Variants in KMT2D observed in about 807,000 individuals in gnomAD.
The protein encoded by KMT2D is histone-lysine N-methyltransferase 2D.
In KMT2D, 55 loss-of-function variants were observed where a neutral mutation model predicts 512.7. That is an observed-to-expected ratio of 0.11 (90% confidence interval 0.09 to 0.13). The LOEUF is 0.13. KMT2D is among the 10% of genes least tolerant of loss of function. The pLI is 1.00. For missense variants in KMT2D, 6,061 were observed against 7,127.9 expected (o/e 0.85, Z 5.39); for synonymous variants, 2,995 against 2,904.0 (o/e 1.03, Z -1.01).
Position 49,043,438 on chromosome 12 carries a change from A to G in KMT2D, c.5468-10T>C. On this transcript the variant is annotated splice_polypyrimidine_tract_variant and intron_variant, in intron 24 of 54. Coordinates refer to ENST00000301067, the MANE Select transcript of KMT2D (RefSeq NM_003482.4). Reference sequence around the variant, plus strand: ...TCTGGACCATCATCTCCTATGAGCAAGAGTCCCCCCTCCAATCAGAGATGT... The same window carrying G: ...TCTGGACCATCATCTCCTATGAGCAGGAGTCCCCCCTCCAATCAGAGATGT... The G allele has an allele frequency of 1.2e-6, 2 of 1,613,862 alleles. No homozygotes were observed. Among genetic ancestry groups the G allele is most frequent in the Non-Finnish European group, 1.7e-6 (2 of 1,179,766 alleles).
rs753715045 is a variant in KMT2D at position 49,033,527 on chromosome 12, T to C, written c.11178A>G (p.Gln3726=). The C allele has an allele frequency of 1.5e-5, 25 of 1,613,042 alleles. No homozygotes were observed. Among genetic ancestry groups the C allele is most frequent in the Non-Finnish European group, 1.2e-5 (14 of 1,179,418 alleles). Residue 3726 remains glutamine, a synonymous_variant, in exon 40 of 55, where the codon CAA becomes CAG. Coordinates refer to ENST00000301067, the MANE Select transcript of KMT2D (RefSeq NM_003482.4). ...GCAGTTTCTGGGCCAGCTGCATACG[T>C]TGCTGCTGCAGCTGCAGCTGCCTTT... The part of the protein sequence containing the change: ...LQERQLQLQQ[Q]RMQLAQKLQQ...
At chr12:49,045,299 C>T (rs1486818917) in intron 19 of KMT2D, among the ~76,000 whole-genome samples, 1 of 152,208 alleles carries the variant, frequency 6.6e-6, no homozygotes, top group African/African-American at 2.4e-5. Flanking sequence ...ATGCCAGCAG[C>T]AGTGCCATAT....
Position 49,030,638 on chromosome 12 carries a change from G to T in KMT2D, c.13802C>A (p.Pro4601His). Residue 4601 changes from proline to histidine, a missense_variant, in exon 42 of 55, where the codon CCC (proline) becomes CAC (histidine). This residue lies in a region of KMT2D where 1,600 missense variants were observed against 1,754.9 expected (regional missense o/e 0.91). Coordinates refer to ENST00000301067, the MANE Select transcript of KMT2D (RefSeq NM_003482.4). ...CTGGGAATAGTAGTCAGGGCCAGTG[G>T]GCAGCGCCCCACTTCCAAAGGCCCC... ...LRGAFGSGAL[P>H]TGPDYYSQLL... 6.2e-7 allele frequency: 1 copy of T among 1,605,098 alleles called. No individual in the cohort carries two copies.
Position 49,046,269 on chromosome 12 carries a change from T to C in KMT2D, c.4574A>G (p.His1525Arg). 1 of 1,613,970 alleles carries C rather than the reference T, an allele frequency of 6.2e-7. No individual in the cohort carries two copies. Among genetic ancestry groups the C allele is most frequent in the Non-Finnish European group, 8.5e-7 (1 of 1,179,880 alleles). Residue 1525 changes from histidine to arginine, a missense_variant, in exon 17 of 55, where the codon CAC becomes CGC. His to Arg is a conservative substitution (Grantham distance 29). Transcript: ENST00000301067. The surrounding 1 kb of genome is among the most constrained non-coding windows in gnomAD (Gnocchi z 4.2). ...AAAGGGATGTTCTCACCGTTCACAGTGGCGGCACTGGATTAGTAGGTCCTC... is the reference window on the plus strand; with the variant it reads ...AAAGGGATGTTCTCACCGTTCACAGCGGCGGCACTGGATTAGTAGGTCCTC... ...VEEDLLIQCRHCERWMHAGCE... is the reference protein window; with the variant it reads ...VEEDLLIQCRRCERWMHAGCE...
At position 49,040,592 on chromosome 12, in the gene KMT2D, T is replaced by G. The variant is rs2120531193; in HGVS notation, c.7178A>C (p.Glu2393Ala). 6.2e-7 allele frequency: 1 copy of G among 1,612,670 alleles called. No individual in the cohort carries two copies. The highest frequency in any genetic ancestry group is 1.7e-4 in the Middle Eastern group (1 of 6,056). Residue 2393 changes from glutamate to alanine, a missense_variant, in exon 32 of 55, where the codon GAG (glutamate) becomes GCG (alanine). Transcript: ENST00000301067. ...LTPRPQPPPPESCCALPPRSL... is the reference protein window; with the variant it reads ...LTPRPQPPPPASCCALPPRSL... Reference sequence around the variant, plus strand: ...GCGAGGGGGCAGAGCACAGCAGCTCTCAGGGGGCGGAGGTTGGGGCCGAGG... The same window carrying G: ...GCGAGGGGGCAGAGCACAGCAGCTCGCAGGGGGCGGAGGTTGGGGCCGAGG...
rs780672866 is a variant in KMT2D at position 49,024,477 on chromosome 12, C to T, written c.16052+101G>A. Reference sequence around the variant, plus strand: ...TCTAAGAGTGATTCCCCATTTTCTCCACGGGAACTCTGATCTGTATCCTAA... The same window carrying T: ...TCTAAGAGTGATTCCCCATTTTCTCTACGGGAACTCTGATCTGTATCCTAA... On this transcript the variant is annotated intron_variant, in intron 51 of 54. Transcript: ENST00000301067. The surrounding 1 kb of genome is among the most constrained non-coding windows in gnomAD (Gnocchi z 4.5). The T allele has an allele frequency of 4.1e-5, 59 of 1,448,880 alleles. No homozygotes were observed. Among genetic ancestry groups the T allele is most frequent in the Non-Finnish European group, 5.3e-5 (57 of 1,077,770 alleles). The allele number at this position is 1,448,880 out of a possible 1,614,324, so 89.8% of individuals were successfully genotyped here.
In KMT2D at chr12:49,039,311, G is replaced by A; in HGVS notation, c.8277C>T (p.Pro2759=). ...VGLPPSKLSG[P]ILGPGSFPSD... ...TAGGGAAGGACCCTGGCCCCAGGAT[G>A]GGGCCACTCAGCTTGCTTGGGGGCA... The change falls in exon 34 of 55, where the codon CCC becomes CCT. Residue 2759 remains proline, a synonymous_variant. Transcript: ENST00000301067. The surrounding 1 kb of genome is among the most constrained non-coding windows in gnomAD (Gnocchi z 5.0). 1 of 1,613,766 alleles carries A rather than the reference G, an allele frequency of 6.2e-7. No individual in the cohort carries two copies. The highest frequency in any genetic ancestry group is 8.5e-7 in the Non-Finnish European group (1 of 1,179,830).
chr12:49,030,494 A>C, intron 42 of KMT2D, 55 bp from the exon 43 acceptor site: 1 of 1,396,648 alleles, frequency 7.2e-7, no homozygotes, highest in East Asian at 2.4e-5. Context: ...AGACTGATAT[A>C]ATCTCCTGGC....
rs777638253 is a variant in KMT2D, at chr12:49,034,285, G to C, written c.10522C>G (p.Arg3508Gly). The stretch of plus-strand genomic sequence containing the variant: ...TGGAACAGCCACTCCTCATACTGCC[G>C]CTGGTCAGCTTCATCTGGGAAAAGA... ...AQGVINEADQ[R>G]QYEEWLFHTQ... The change falls in exon 39 of 55, where the codon CGG becomes GGG. Residue 3508 changes from arginine (R) to glycine (G), a missense_variant. Arg to Gly is a moderately radical substitution (Grantham distance 125). Coordinates refer to ENST00000301067, the MANE Select transcript of KMT2D (RefSeq NM_003482.4). 1 of 1,612,764 alleles carries C rather than the reference G, an allele frequency of 6.2e-7. No individual in the cohort carries two copies. Among genetic ancestry groups the C allele is most frequent in the African/African-American group, 1.3e-5 (1 of 74,880 alleles).
Position 49,034,679 on chromosome 12 carries a change from A to G in KMT2D, c.10356-13T>C, listed in dbSNP as rs750296903. On this transcript the variant is annotated splice_polypyrimidine_tract_variant and intron_variant, in intron 36 of 54. Coordinates refer to ENST00000301067, the MANE Select transcript of KMT2D (RefSeq NM_003482.4). Reference sequence around the variant, plus strand: ...AGACACTTGCTGTCTGGAGTCCACCAAAGCACAGAAGATAAGTGTTGGCAA... The same window carrying G: ...AGACACTTGCTGTCTGGAGTCCACCGAAGCACAGAAGATAAGTGTTGGCAA... The G allele has an allele frequency of 6.2e-6, 10 of 1,612,546 alleles. No homozygotes were observed. Among genetic ancestry groups the G allele is most frequent in the Non-Finnish European group, 6.8e-6 (8 of 1,179,182 alleles).
At position 49,030,776 on chromosome 12, in the gene KMT2D, G is replaced by A. The variant is rs765686987; in HGVS notation, c.13672-8C>T. ...GGGCAGCAGGGACAGCTCCTACAAG[G>A]GGCAAGATGACAAAGTTCAAAACCT... is the stretch of plus-strand genomic sequence containing the variant. On this transcript the variant is annotated splice_region_variant and splice_polypyrimidine_tract_variant and intron_variant, in intron 41 of 54. Coordinates refer to ENST00000301067, the MANE Select transcript of KMT2D (RefSeq NM_003482.4). 8.7e-6 allele frequency: 14 copies of A among 1,613,238 alleles called. No homozygotes were observed. In the African/African-American group the frequency reaches 1.5e-4, roughly 17 times the overall value.
chr12:49,023,783 T>C (rs1229141242), intron 51 of KMT2D, among the ~76,000 whole-genome samples: 1 of 152,166 alleles, frequency 6.6e-6, no homozygotes, highest in Admixed American at 6.5e-5. Flanking sequence ...TTGCAGGGCA[T>C]CAAGGACAAG....
rs1326488356 is a variant in KMT2D, at chr12:49,054,285, C to A, written c.510+22G>T. On this transcript the variant is annotated intron_variant, in intron 5 of 54. Coordinates refer to ENST00000301067, the MANE Select transcript of KMT2D (RefSeq NM_003482.4). This position sits in a 1 kb window ranked among gnomAD's most constrained non-coding sequence, Gnocchi z 6.4. ...CCACCAGCCCTGCCCTTCACCTATG[C>A]AATCCCCTGGCCCAGCCCCACCTGT... 6.4e-7 allele frequency: 1 copy of A among 1,566,342 alleles called. No homozygotes were observed. Among genetic ancestry groups the A allele is most frequent in the Non-Finnish European group, 8.7e-7 (1 of 1,154,342 alleles).
chr12:49,026,151 A>G lies in KMT2D; in HGVS notation c.15784+31T>C. The G allele has an allele frequency of 6.5e-7, 1 of 1,530,766 alleles. No homozygotes were observed. The highest frequency in any genetic ancestry group is 8.8e-7 in the Non-Finnish European group (1 of 1,136,560). 94.8% of individuals were successfully genotyped at this position (1,530,766 alleles called of 1,614,324 possible). On this transcript the variant is annotated intron_variant, in intron 49 of 54. Coordinates refer to ENST00000301067, the MANE Select transcript of KMT2D (RefSeq NM_003482.4). This position sits in a 1 kb window ranked among gnomAD's most constrained non-coding sequence, Gnocchi z 9.6. Reference sequence around the variant, plus strand: ...CCCTGGGAGAAACTTTTCCCATTCCATATTATCCATTTCAAGGGCCCACTG... The same window carrying G: ...CCCTGGGAGAAACTTTTCCCATTCCGTATTATCCATTTCAAGGGCCCACTG...
intron 42 of KMT2D, 43 bp downstream of exon 42, chr12:49,030,558 C>T (rs1942849076): frequency 6.6e-7 from 1 of 1,526,202 alleles, no homozygotes; most frequent in Non-Finnish European, 8.8e-7. Context: ...CTCACCTTCC[C>T]AAGAACTTCA....
Position 49,051,179 on chromosome 12 carries a change from G to T in KMT2D, c.2504C>A (p.Pro835His), listed in dbSNP as rs2120664800. 1.3e-6 allele frequency: 2 copies of T among 1,514,822 alleles called. 1 individual carries two copies. Among genetic ancestry groups the T allele is most frequent in the South Asian group, 2.6e-5 (2 of 76,002 alleles). The allele number at this position is 1,514,822 out of a possible 1,614,324, so 93.8% of individuals were successfully genotyped here. A position where few individuals can be genotyped will look rare whatever the true frequency, so the allele number is the denominator to read the frequency against. ...SPQPEESHLS[P>H]QSEEPCLSPR... ...GGACAGGCATGGCTCCTCAGACTGG[G>T]GGGACAGGTGTGATTCCTCAGGTTG... The change falls in exon 11 of 55, where the codon CCC becomes CAC. Residue 835 changes from proline (P) to histidine (H), a missense_variant. Pro to His is a moderately conservative substitution (Grantham distance 77). Transcript: ENST00000301067.
chr12:49,042,648 A>G lies in KMT2D; in HGVS notation c.5783-3T>C. On this transcript the variant is annotated splice_region_variant and splice_polypyrimidine_tract_variant and intron_variant, in intron 27 of 54. Transcript: ENST00000301067. The surrounding 1 kb of genome is among the most constrained non-coding windows in gnomAD (Gnocchi z 4.4). ...CAGATTGCCCAAAGGGAGTCCACCTACAAGACGGACAGGATCAGAGAAAAG... is the reference window on the plus strand; with the variant it reads ...CAGATTGCCCAAAGGGAGTCCACCTGCAAGACGGACAGGATCAGAGAAAAG... 1 of 1,612,884 alleles carries G rather than the reference A, an allele frequency of 6.2e-7. No homozygotes were observed. Among genetic ancestry groups the G allele is most frequent in the African/African-American group, 1.3e-5 (1 of 74,954 alleles).
At position 49,053,462 on chromosome 12, in the gene KMT2D, C is replaced by T; in HGVS notation, c.839+14G>A. ...GTTGTGCCTAAGACTTTCCTCCTGC[C>T]CTTCCATTCCTACCTGCAGGCTTGG... On this transcript the variant is annotated intron_variant, in intron 7 of 54. Transcript: ENST00000301067. 6.2e-7 allele frequency: 1 copy of T among 1,610,804 alleles called. No individual in the cohort carries two copies. Among genetic ancestry groups the T allele is most frequent in the South Asian group, 1.1e-5 (1 of 90,684 alleles).
chr12:49,049,281 C>T (rs1435509436), intron 12 of KMT2D, 63 bp from the exon 13 acceptor site: 4 of 1,028,108 alleles, frequency 3.9e-6, no homozygotes, highest in African/African-American at 1.6e-5. Context: ...GGTTTACACA[C>T]TTGAACAGAA....
Sources: allele counts gnomAD v4.1 joint callset (sites outside exome capture counted in the v4.1 genomes callset), GRCh38; gene constraint gnomAD v4.1.1; regional missense constraint gnomAD v4.1.1; non-coding constraint Gnocchi (gnomAD v3.1); transcripts MANE v1.5; gene names NCBI Gene and HGNC (gene_info 2026-07-23, HGNC 2026-07-21).